SMG5: variants seen among roughly 807,000 people sequenced by gnomAD.
SMG5 encodes the protein nonsense-mediated mRNA decay factor SMG5.
A neutral mutation model predicts 122.9 loss-of-function variants in SMG5; 53 were observed. That is an observed-to-expected ratio of 0.43 (90% CI 0.35 to 0.54). SMG5 has a LOEUF of 0.54. Ranked by LOEUF, SMG5 falls within the 20% of genes least tolerant of loss-of-function variation. The pLI, the probability that SMG5 is intolerant of heterozygous loss-of-function variation, is 0.01. For missense variants in SMG5, 1,153 were observed against 1,285.6 expected, an observed-to-expected ratio of 0.90 and a Z score of 1.58; for synonymous variants, 477 against 490.2, an observed-to-expected ratio of 0.97 and a Z score of 0.35.
At chr1:156,268,545 G>T in intron 7 of SMG5, 130 bp from the exon 8 acceptor site, 1 of 1,178,986 alleles carries the variant, frequency 8.5e-7, no homozygotes, top group South Asian at 1.5e-5. Flanking sequence ...TACATACGCA[G>T]GGTAAAAGGC....
Position 156,282,593 on chromosome 1 carries a change from C to G in SMG5, c.74+14G>C. 6.2e-7 allele frequency: 1 copy of G among 1,604,958 alleles called. No individual in the cohort carries two copies. Among genetic ancestry groups the G allele is most frequent in the Non-Finnish European group, 8.5e-7 (1 of 1,178,620 alleles). Reference sequence around the variant, plus strand: ...TTCCCTCGGTGGCTGCTCTCACGCCCTGGCCCCTCTCACCGGTAAAGCCGC... The same window carrying G: ...TTCCCTCGGTGGCTGCTCTCACGCCGTGGCCCCTCTCACCGGTAAAGCCGC... On this transcript the variant is annotated intron_variant, in intron 1 of 21. Transcript: ENST00000361813.
upstream of SMG5, chr1:156,286,497 C>A (rs1310541187): frequency 6.2e-7 from 1 of 1,609,842 alleles, no homozygotes; most frequent in African/African-American, 1.3e-5. Flanking sequence ...GAGGGTGGGG[C>A]ATGGGAGAGG....
At position 156,256,310 on chromosome 1, in the gene SMG5, CTTTTTTTTTTT is replaced by C. The variant is rs533116327; in HGVS notation, c.2442+2684_2442+2694del. On this transcript the variant is annotated intron_variant, in intron 16 of 21. Transcript: ENST00000361813. ...AGCCTAGGTGAGAGCCATCTTCTCTCTTTTTTTTTTTTTTTTTTTTTTTTGAGGCAGGGTTT... is the reference window on the plus strand; with the variant it reads ...AGCCTAGGTGAGAGCCATCTTCTCTCTTTTTTTTTTTTTGAGGCAGGGTTT... 1.7e-4 allele frequency among the ~76,000 whole-genome samples: 15 copies of C among 86,968 alleles called. No homozygotes were observed. The South Asian group carries it at 3.7e-3, about 21-fold the overall frequency. The allele number at this position is 86,968 out of a possible 152,430, so 57.1% of individuals were successfully genotyped here. A position where few individuals can be genotyped will look rare whatever the true frequency, so the allele number is the denominator to read the frequency against.
chr1:156,281,847 G>A (rs1296850057), intron 1 of SMG5, among the ~76,000 whole-genome samples: 1 of 152,218 alleles, frequency 6.6e-6, no homozygotes, highest in Non-Finnish European at 1.5e-5. Context: ...GTTGCCAACA[G>A]AGGGCTGAAG....
At position 156,263,437 on chromosome 1, in the gene SMG5, G is replaced by A. The variant is rs759029437; in HGVS notation, c.1989C>T (p.Asp663=). The change falls in exon 13 of 22, where the codon GAC becomes GAT. Residue 663 remains aspartate (D), a synonymous_variant. Coordinates refer to ENST00000361813, the MANE Select transcript of SMG5 (RefSeq NM_015327.3). Reference sequence around the variant, plus strand: ...TGAGGTCGGGGTTGGTCCGAAGCCAGTCCAGGAAGACTTTCACAGCAGGAA... The same window carrying A: ...TGAGGTCGGGGTTGGTCCGAAGCCAATCCAGGAAGACTTTCACAGCAGGAA... ...GLLPAVKVFL[D]WLRTNPDLII... 6.2e-7 allele frequency: 1 copy of A among 1,614,236 alleles called. No individual in the cohort carries two copies. The highest frequency in any genetic ancestry group is 8.5e-7 in the Non-Finnish European group (1 of 1,180,044).
intron 16 of SMG5, chr1:156,253,855 C>G (rs1661463258): frequency 3.0e-6 from 1 of 336,592 alleles, no homozygotes; most frequent in Admixed American, 3.8e-5. Context: ...GAGATCCTAC[C>G]CATGCACTTC....
At position 156,282,654 on chromosome 1, in the gene SMG5, C is replaced by A; in HGVS notation, c.27G>T (p.Glu9Asp). Residue 9 changes from glutamate (E) to aspartate (D), a missense_variant, in exon 1 of 22, where the codon GAG (glutamate) becomes GAT (aspartate). This residue lies in a region of SMG5 where 213 missense variants were observed against 197.5 expected (regional missense o/e 1.08). Coordinates refer to ENST00000361813, the MANE Select transcript of SMG5 (RefSeq NM_015327.3). ...GGACTTTTGCTTCGGGCTCGCTGCT[C>A]TCCCCTGTGGGGGGGCCTTGGCTCA... Reference protein sequence around the residue: MSQGPPTGESSEPEAKVLH... With the variant: MSQGPPTGDSSEPEAKVLH... 1 of 1,607,518 alleles carries A rather than the reference C, an allele frequency of 6.2e-7. No individual in the cohort carries two copies.
chr1:156,282,627 G>A lies in SMG5; in HGVS notation c.54C>T (p.Leu18=), dbSNP rs894122455. ...GESSEPEAKV[L]HTKRLYRAVV... is the part of the protein sequence containing the mutation. ...CTCACCGGTAAAGCCGCTTAGTGTG[G>A]AGGACTTTTGCTTCGGGCTCGCTGC... Residue 18 remains leucine (L), a synonymous_variant, in exon 1 of 22, where the codon CTC becomes CTT. Transcript: ENST00000361813. 2 of 1,608,990 alleles carry A rather than the reference G, an allele frequency of 1.2e-6. No individual in the cohort carries two copies. The highest frequency in any genetic ancestry group is 2.2e-5 in the East Asian group (1 of 44,850).
At position 156,267,560 on chromosome 1, in the gene SMG5, ACTC is replaced by A. The variant is rs1662207166; in HGVS notation, c.1024_1026del (p.Glu342del). The stretch of plus-strand genomic sequence containing the variant: ...GGGAGGAAAGCATATCCACTCTCAT[ACTC>A]CTCCTCATCCTCACTGGCCAGGCTG... On this transcript the variant is annotated inframe_deletion, in exon 10 of 22. Coordinates refer to ENST00000361813, the MANE Select transcript of SMG5 (RefSeq NM_015327.3). 6.2e-7 allele frequency: 1 copy of A among 1,613,738 alleles called. No homozygotes were observed. The highest frequency in any genetic ancestry group is 1.3e-5 in the African/African-American group (1 of 74,774).
chr1:156,250,751 G>A lies in SMG5; in HGVS notation c.2968-81C>T. ...AAATTGTTGAGGCGCTGGGGAAGGA[G>A]TGATGGAAGAGAAAAAAAGGTAGCT... is the stretch of plus-strand genomic sequence containing the variant. On this transcript the variant is annotated intron_variant, in intron 21 of 21. Coordinates refer to ENST00000361813, the MANE Select transcript of SMG5 (RefSeq NM_015327.3). The A allele has an allele frequency of 2.5e-6, 4 of 1,601,080 alleles. No homozygotes were observed. In the South Asian group the frequency reaches 3.3e-5, roughly 13 times the overall value.
At chr1:156,255,314 G>T (rs566637909) in intron 16 of SMG5, among the ~76,000 whole-genome samples, 49 of 151,568 alleles carry the variant, frequency 3.2e-4, no homozygotes, top group African/African-American at 1.2e-3. Flanking sequence ...GCTGAGGCGG[G>T]TAGATCACGA....
chr1:156,282,209 C>CATGA (rs1662982799), intron 1 of SMG5, among the ~76,000 whole-genome samples: 1 of 152,292 alleles, frequency 6.6e-6, no homozygotes, highest in East Asian at 1.9e-4. Flanking sequence ...CCACGGACTT[C>CATGA]AGTCCAAGAC....
At chr1:156,262,505 A>G (rs893385510) in intron 13 of SMG5, among the ~76,000 whole-genome samples, 1 of 151,462 alleles carries the variant, frequency 6.6e-6, no homozygotes, top group African/African-American at 2.4e-5. Flanking sequence ...AAAAGGAGAA[A>G]GCAGCGAAAC....
chr1:156,260,161 C>T (rs2103217629), intron 15 of SMG5, among the ~76,000 whole-genome samples: 1 of 152,148 alleles, frequency 6.6e-6, no homozygotes, highest in Admixed American at 6.5e-5. Context: ...GATTTCGAAG[C>T]CCTAATAACT....
the SMG5 span, chr1:156,290,468 C>G: frequency 6.6e-6 from 1 of 150,546 alleles, no homozygotes; most frequent in East Asian, 1.9e-4. Context: ...GGTGGGAGGA[C>G]TGCCTGAGCT....
chr1:156,270,373 T>C (rs1179234388), intron 7 of SMG5, among the ~76,000 whole-genome samples: 1 of 152,210 alleles, frequency 6.6e-6, no homozygotes, highest in African/African-American at 2.4e-5. Context: ...CTGTGGAAGA[T>C]ACCACGCATG....
chr1:156,273,007 A>G (rs1356758611), intron 6 of SMG5, among the ~76,000 whole-genome samples: 1 of 152,108 alleles, frequency 6.6e-6, no homozygotes, highest in African/African-American at 2.4e-5. Flanking sequence ...CCTCTATCTC[A>G]GCACTGAATG....
the SMG5 span, chr1:156,291,455 C>T: frequency 7.4e-6 from 12 of 1,613,800 alleles, no homozygotes; most frequent in African/African-American, 1.5e-4. Context: ...GACGTTTCTG[C>T]CACTGCTGTC....
chr1:156,275,229 G>A (rs1470179523), intron 4 of SMG5, among the ~76,000 whole-genome samples: 1 of 151,894 alleles, frequency 6.6e-6, no homozygotes, highest in Non-Finnish European at 1.5e-5. Flanking sequence ...GATGCTCCTA[G>A]TGGAGGTCCA....
Sources: gnomAD v4.1 joint callset for allele counts (sites outside exome capture counted in the v4.1 genomes callset) on GRCh38, gnomAD v4.1.1 for gene constraint, gnomAD v4.1.1 regional missense constraint, MANE v1.5 for transcripts, NCBI Gene and HGNC (gene_info 2026-07-23, HGNC 2026-07-21) for gene names.